ASPH: variants seen among roughly 807,000 people sequenced by gnomAD.
ASPH encodes aspartyl/asparaginyl beta-hydroxylase.
ASPH carries 100 observed loss-of-function variants against 118.4 expected under a neutral mutation model. That is an observed-to-expected ratio of 0.84 (90% CI 0.72 to 1.00). The LOEUF is 1.00. Among genes scored for constraint, ASPH ranks in the 50% least tolerant of loss-of-function variants. The probability of loss-of-function intolerance (pLI) is 0.00; values close to 1 mark genes in which losing one functional copy is unlikely to be tolerated. For missense variants in ASPH, 920 were observed against 919.5 expected, an observed-to-expected ratio of 1.00 and a Z score of -0.01; for synonymous variants, 315 against 325.6, an observed-to-expected ratio of 0.97 and a Z score of 0.35.
At chr8:61,593,856 G>A (rs757908040) in intron 14 of ASPH, among the ~76,000 whole-genome samples, 2 of 152,106 alleles carry the variant, frequency 1.3e-5, no homozygotes, top group Non-Finnish European at 2.9e-5. Flanking sequence ...CCACGCACAC[G>A]TTCCATGAGA....
At chr8:61,653,085 A>C (rs1479635831) in intron 4 of ASPH, among the ~76,000 whole-genome samples, 1 of 152,216 alleles carries the variant, frequency 6.6e-6, no homozygotes, top group Admixed American at 6.5e-5. Context: ...TGCTTGATTT[A>C]TGAACCCATG....
chr8:61,601,636 A>C (rs1844027941), intron 14 of ASPH, among the ~76,000 whole-genome samples: 1 of 151,210 alleles, frequency 6.6e-6, no homozygotes, highest in African/African-American at 2.5e-5. Context: ...AGATCAAGGT[A>C]CATATTGATA....
intron 14 of ASPH, among the ~76,000 whole-genome samples, chr8:61,608,594 C>T (rs1358681857): frequency 3.3e-5 from 5 of 152,136 alleles, no homozygotes; most frequent in Admixed American, 6.5e-5. Flanking sequence ...CCCTTCAAAT[C>T]GGATTCAAAT....
At chr8:61,616,520 A>G (rs975881975) in intron 14 of ASPH, among the ~76,000 whole-genome samples, 1 of 152,326 alleles carries the variant, frequency 6.6e-6, no homozygotes, top group East Asian at 1.9e-4. Context: ...TAAATGAGAA[A>G]GGGCTCTGTT....
At chr8:61,665,969 GA>G (rs1158324470) in intron 3 of ASPH, among the ~76,000 whole-genome samples, 1 of 152,066 alleles carries the variant, frequency 6.6e-6, no homozygotes, top group East Asian at 1.9e-4. Flanking sequence ...GGCAACGTAA[GA>G]ACAAATTTTT....
intron 18 of ASPH, among the ~76,000 whole-genome samples, chr8:61,556,494 C>T (rs1020709339): frequency 5.3e-5 from 8 of 152,178 alleles, no homozygotes; most frequent in African/African-American, 1.9e-4. Context: ...TGTAATACAT[C>T]ACAATCCATT....
intron 14 of ASPH, among the ~76,000 whole-genome samples, chr8:61,598,672 C>T (rs1421357373): frequency 6.6e-6 from 1 of 152,156 alleles, no homozygotes; most frequent in East Asian, 1.9e-4. Context: ...GCATCATATC[C>T]AACAGCTACG....
chr8:61,630,026 T>C (rs1456494171), intron 13 of ASPH, among the ~76,000 whole-genome samples: 1 of 152,186 alleles, frequency 6.6e-6, no homozygotes, highest in Non-Finnish European at 1.5e-5. Flanking sequence ...CCACAGAACG[T>C]GCTTAGCAGA....
At chr8:61,677,921 T>A (rs1242820871) in intron 3 of ASPH, among the ~76,000 whole-genome samples, 2 of 152,142 alleles carry the variant, frequency 1.3e-5, no homozygotes, top group African/African-American at 4.8e-5. Context: ...AACAAAACTG[T>A]TTACCCAGCC....
intron 10 of ASPH, among the ~76,000 whole-genome samples, chr8:61,642,664 G>A (rs1227665501): frequency 6.6e-6 from 1 of 152,024 alleles, no homozygotes. Flanking sequence ...TCGGGAGTTT[G>A]AGATAAACCC....
chr8:61,650,535 T>C (rs920825289), intron 5 of ASPH, among the ~76,000 whole-genome samples: 3 of 152,182 alleles, frequency 2.0e-5, no homozygotes, highest in Admixed American at 6.5e-5. Flanking sequence ...TATTACTTAG[T>C]ATCCTCTACA....
intron 14 of ASPH, among the ~76,000 whole-genome samples, chr8:61,599,186 A>G (rs888580627): frequency 1.3e-5 from 2 of 152,192 alleles, no homozygotes; most frequent in Admixed American, 1.3e-4. Flanking sequence ...AAAATTACAA[A>G]AGTTCAATGA....
At position 61,553,672 on chromosome 8, in the gene ASPH, TAAAC is replaced by T. The variant is rs567260460; in HGVS notation, c.1537-556_1537-553del. 9.8e-4 allele frequency among the ~76,000 whole-genome samples: 150 copies of T among 152,288 alleles called. 2 individuals are homozygous for T. In the South Asian group the frequency reaches 0.029, roughly 29 times the overall value. ...GAATCTTTAAAAATGTAATTTTTATTAAACAAATCCCTATTCTAAAACATTTACC... is the reference window on the plus strand; with the variant it reads ...GAATCTTTAAAAATGTAATTTTTATTAAATCCCTATTCTAAAACATTTACC... On this transcript the variant is annotated intron_variant, in intron 19 of 24. Coordinates refer to ENST00000379454, the MANE Select transcript of ASPH (RefSeq NM_004318.4).
chr8:61,579,123 C>A, intron 15 of ASPH: 1 of 1,610,640 alleles, frequency 6.2e-7, no homozygotes, highest in Non-Finnish European at 8.5e-7. Flanking sequence ...TGACCTGTGG[C>A]GCACAAAGAC....
intron 1 of ASPH, among the ~76,000 whole-genome samples, chr8:61,685,785 A>T (rs1666985034): frequency 6.6e-6 from 1 of 151,808 alleles, no homozygotes; most frequent in Non-Finnish European, 1.5e-5. Context: ...GCCTACATGT[A>T]GATAAATTTT....
At position 61,626,221 on chromosome 8, in the gene ASPH, C is replaced by T. The variant is rs564879073; in HGVS notation, c.935-7202G>A. On this transcript the variant is annotated intron_variant, in intron 13 of 24. Coordinates refer to ENST00000379454, the MANE Select transcript of ASPH (RefSeq NM_004318.4). ...GATCTATCACAGCCATCTTTTGGAGCGTATGGTTAGGCTGGTCCTCCTGTG... is the reference window on the plus strand; with the variant it reads ...GATCTATCACAGCCATCTTTTGGAGTGTATGGTTAGGCTGGTCCTCCTGTG... 17 of 1,488,220 alleles carry T rather than the reference C, an allele frequency of 1.1e-5. No homozygotes were observed. The Admixed American group carries it at 2.0e-4, about 18-fold the overall frequency. The allele number at this position is 1,488,220 out of a possible 1,614,324, so 92.2% of individuals were successfully genotyped here. A position where few individuals can be genotyped will look rare whatever the true frequency, so the allele number is the denominator to read the frequency against.
chr8:61,642,967 A>C (rs778711433), intron 9 of ASPH, 47 bp from the exon 10 acceptor site: 2 of 1,482,104 alleles, frequency 1.3e-6, no homozygotes, highest in Non-Finnish European at 1.8e-6. Context: ...TAACTGAGTC[A>C]TTCTATACAA....
rs1294467757 is a variant in ASPH, at chr8:61,567,214, C to A, written c.1254G>T (p.Leu418=). The A allele has an allele frequency of 6.2e-7, 1 of 1,613,944 alleles. No individual in the cohort carries two copies. Among genetic ancestry groups the A allele is most frequent in the African/African-American group, 1.3e-5 (1 of 74,902 alleles). The change falls in exon 17 of 25, where the codon CTG becomes CTT. Residue 418 remains leucine (L), a synonymous_variant. Transcript: ENST00000379454. ...AGCGACGCTTCAAACTCAGCTTCAG[C>A]AGGTCTGCAGGGACATCAGGTAGGC... ...VASLPDVPAD[L]LKLSLKRRSD...
chr8:61,555,005 C>A (rs1017146070), intron 19 of ASPH, among the ~76,000 whole-genome samples: 11 of 152,198 alleles, frequency 7.2e-5, no homozygotes, highest in African/African-American at 2.7e-4. Context: ...GGAGCCACTG[C>A]ACCTGGCCCA....
Sources: allele counts gnomAD v4.1 joint callset (sites outside exome capture counted in the v4.1 genomes callset), GRCh38; gene constraint gnomAD v4.1.1; transcripts MANE v1.5; gene names NCBI Gene and HGNC (gene_info 2026-07-23, HGNC 2026-07-21).